The following RAB33B variants were observed in gnomAD, a reference collection of about 807,000 sequenced individuals.
RAB33B encodes ras-related protein Rab-33B.
RAB33B carries 6 observed loss-of-function variants against 15.0 expected under a neutral mutation model. The observed-to-expected ratio is 0.40, with a 90% CI of 0.22 to 0.79. The LOEUF (loss-of-function observed/expected upper bound fraction) is 0.79, where lower values mean the gene tolerates loss of function less well. Among genes scored for constraint, RAB33B ranks in the 30% least tolerant of loss-of-function variants. The probability of loss-of-function intolerance (pLI) is 0.37; values close to 1 mark genes in which losing one functional copy is unlikely to be tolerated. For missense variants in RAB33B, 257 were observed against 296.4 expected, an observed-to-expected ratio of 0.87 and a Z score of 0.98; for synonymous variants, 117 against 108.3, an observed-to-expected ratio of 1.08 and a Z score of -0.50.
intron 1 of RAB33B, among the ~76,000 whole-genome samples, chr4:139,464,675 G>A (rs1187705173): frequency 6.6e-6 from 1 of 152,126 alleles, no homozygotes; most frequent in African/African-American, 2.4e-5. Flanking sequence ...TGCTGAGAAT[G>A]ATGGTTTCCA....
At chr4:139,472,351 A>C (rs1490627477) in intron 1 of RAB33B, among the ~76,000 whole-genome samples, 1 of 152,232 alleles carries the variant, frequency 6.6e-6, no homozygotes, top group African/African-American at 2.4e-5. Flanking sequence ...TACAGGAATT[A>C]AATGCTTAAC....
chr4:139,470,020 C>T (rs1750360268), intron 1 of RAB33B, among the ~76,000 whole-genome samples: 1 of 152,156 alleles, frequency 6.6e-6, no homozygotes, highest in Non-Finnish European at 1.5e-5. Flanking sequence ...AGCAGTGTGT[C>T]TCACCCAAGG....
intron 1 of RAB33B, among the ~76,000 whole-genome samples, chr4:139,467,291 C>A (rs1298036728): frequency 6.9e-6 from 1 of 145,490 alleles, no homozygotes; most frequent in Non-Finnish European, 1.5e-5. Flanking sequence ...CCTCTTTCCC[C>A]ACCACGCCCC....
At chr4:139,460,395 GA>G (rs577894993) in intron 1 of RAB33B, among the ~76,000 whole-genome samples, 439 of 152,298 alleles carry the variant, frequency 2.9e-3, no homozygotes, top group South Asian at 0.017. Flanking sequence ...GAGAATAGTA[GA>G]AATTTTGTTA....
intron 1 of RAB33B, among the ~76,000 whole-genome samples, chr4:139,459,670 G>A (rs151027162): frequency 2.1e-5 from 3 of 145,644 alleles, no homozygotes; most frequent in African/African-American, 7.6e-5. Context: ...GTCTTGCTCT[G>A]TTGCCCAGGC....
chr4:139,451,404 TCA>T (rs1467986110), upstream of RAB33B: 1 of 134,188 alleles, frequency 7.5e-6, no homozygotes, highest in Non-Finnish European at 1.5e-5. Context: ...ACAGGAGGTC[TCA>T]CTCTGTTGCC....
intron 1 of RAB33B, among the ~76,000 whole-genome samples, chr4:139,465,658 A>T (rs1361583601): frequency 6.6e-6 from 1 of 152,054 alleles, no homozygotes; most frequent in African/African-American, 2.4e-5. Context: ...TGGGAAGAGG[A>T]ATGTTGTTTA....
chr4:139,467,866 A>AT (rs1231845977), intron 1 of RAB33B, among the ~76,000 whole-genome samples: 2 of 151,846 alleles, frequency 1.3e-5, no homozygotes, highest in East Asian at 3.9e-4. Context: ...TCAAAAAAAA[A>AT]AAGCCAATTA....
chr4:139,441,663 T>C, the RAB33B span, among the ~76,000 whole-genome samples: 2 of 152,242 alleles, frequency 1.3e-5, no homozygotes, highest in African/African-American at 4.8e-5. Flanking sequence ...TGACATATTA[T>C]TTTTAACTTA....
intron 1 of RAB33B, among the ~76,000 whole-genome samples, chr4:139,457,396 T>A (rs562813517): frequency 6.6e-6 from 1 of 152,338 alleles, no homozygotes; most frequent in South Asian, 2.1e-4. Flanking sequence ...TGTATTCCTT[T>A]AGCACAATCA....
upstream of RAB33B, chr4:139,450,922 A>C (rs1749907181): frequency 8.2e-6 from 1 of 121,538 alleles, no homozygotes; most frequent in Non-Finnish European, 1.8e-5. Context: ...TTTTTTTGAG[A>C]CACAGTCTTG....
intron 1 of RAB33B, among the ~76,000 whole-genome samples, chr4:139,469,469 C>T (rs1340152263): frequency 6.6e-6 from 1 of 152,200 alleles, no homozygotes; most frequent in Admixed American, 6.5e-5. Context: ...TGAAAGGTCA[C>T]ATATGTGTTT....
In RAB33B at chr4:139,454,330, C is replaced by T; in HGVS notation, c.135C>T (p.Gly45=). The T allele has an allele frequency of 6.2e-7, 1 of 1,614,164 alleles. No individual in the cohort carries two copies. Among genetic ancestry groups the T allele is most frequent in the Non-Finnish European group, 8.5e-7 (1 of 1,180,028 alleles). ...TCGTGATCGGCGACTCCAATGTGGG[C>T]AAGACATGCCTGACCTACCGCTTCT... ...KIIVIGDSNV[G]KTCLTYRFCA... Residue 45 remains glycine, a synonymous_variant, in exon 1 of 2, where the codon GGC becomes GGT. Transcript: ENST00000305626.
the RAB33B span, among the ~76,000 whole-genome samples, chr4:139,439,505 GTTTC>G: frequency 5.6e-4 from 86 of 152,286 alleles, 1 homozygote; most frequent in East Asian, 0.014. Context: ...CTCAGTATGT[GTTTC>G]TTTGAGTTCA....
chr4:139,464,386 GTTTT>G (rs372330119), intron 1 of RAB33B, among the ~76,000 whole-genome samples: 1,682 of 101,718 alleles, frequency 0.017, 28 homozygotes, highest in African/African-American at 0.055. Flanking sequence ...GAGGAATACT[GTTTT>G]TTTTTTTTTT....
chr4:139,460,838 C>G (rs748113849), intron 1 of RAB33B, among the ~76,000 whole-genome samples: 2 of 152,108 alleles, frequency 1.3e-5, no homozygotes, highest in African/African-American at 2.4e-5. Context: ...TTTCACAGAC[C>G]CAAGCTTTCC....
intron 1 of RAB33B, among the ~76,000 whole-genome samples, chr4:139,465,502 C>A (rs1435562332): frequency 1.3e-5 from 2 of 152,136 alleles, no homozygotes; most frequent in African/African-American, 4.8e-5. Flanking sequence ...ACGTTTTCTT[C>A]TAGCGTTTTT....
At chr4:139,466,961 CTTTTT>C (rs35504904) in intron 1 of RAB33B, among the ~76,000 whole-genome samples, 5 of 68,478 alleles carry the variant, frequency 7.3e-5, no homozygotes, top group African/African-American at 2.8e-4. Context: ...GAAGCACAAA[CTTTTT>C]TTTTTTTTTT....
upstream of RAB33B, chr4:139,452,904 G>A (rs1749957762): frequency 6.6e-6 from 1 of 152,066 alleles, no homozygotes; most frequent in Non-Finnish European, 1.5e-5. Context: ...TTTCCCAATG[G>A]CATATTCATC....
Sources: allele counts gnomAD v4.1 joint callset (sites outside exome capture counted in the v4.1 genomes callset), GRCh38; gene constraint gnomAD v4.1.1; transcripts MANE v1.5; gene names NCBI Gene and HGNC (gene_info 2026-07-23, HGNC 2026-07-21).